Variants in PIK3C2G observed in about 807,000 individuals in gnomAD.
The protein encoded by PIK3C2G is phosphatidylinositol-4-phosphate 3-kinase catalytic subunit type 2 gamma.
A neutral mutation model predicts 181.1 loss-of-function variants in PIK3C2G; 168 were observed. The ratio of observed to expected loss-of-function variants is 0.93; its 90% CI spans 0.82 to 1.05. The LOEUF is 1.05. Ranked by LOEUF, PIK3C2G falls within the 50% of genes least tolerant of loss-of-function variation. The pLI is 0.00. For synonymous variants in PIK3C2G, 573 were observed against 592.2 expected, an observed-to-expected ratio of 0.97 and a Z score of 0.47; for missense variants, 1,869 against 1,732.8, an observed-to-expected ratio of 1.08 and a Z score of -1.40.
At chr12:18,627,530 A>T (rs1592749488) in intron 31 of PIK3C2G, among the ~76,000 whole-genome samples, 1 of 152,138 alleles carries the variant, frequency 6.6e-6, no homozygotes, top group Non-Finnish European at 1.5e-5. Flanking sequence ...TGACAGAGAT[A>T]GACCTGTGGA....
intron 18 of PIK3C2G, among the ~76,000 whole-genome samples, chr12:18,467,095 T>C (rs1868064): frequency 0.56 from 85,072 of 151,860 alleles, 24,408 homozygotes; most frequent in Middle Eastern, 0.73. Flanking sequence ...TTGTCATTCA[T>C]AGTGTATTAG....
intron 17 of PIK3C2G, among the ~76,000 whole-genome samples, chr12:18,422,070 T>C (rs1043115132): frequency 6.6e-6 from 1 of 152,102 alleles, no homozygotes; most frequent in African/African-American, 2.4e-5. Context: ...TTCAGGAGAA[T>C]ACGTTTTCAC....
chr12:18,705,738 T>C, the PIK3C2G span, among the ~76,000 whole-genome samples: 2 of 151,320 alleles, frequency 1.3e-5, no homozygotes, highest in Non-Finnish European at 2.9e-5. Flanking sequence ...TGGTAGTGTG[T>C]GCCTGTAATC....
At chr12:18,447,233 A>C (rs1947079063) in intron 18 of PIK3C2G, among the ~76,000 whole-genome samples, 1 of 152,176 alleles carries the variant, frequency 6.6e-6, no homozygotes, top group Non-Finnish European at 1.5e-5. Flanking sequence ...GCAGCAATTG[A>C]CAGTGGCCCT....
At chr12:18,341,910 G>T (rs1484803901) in intron 9 of PIK3C2G, among the ~76,000 whole-genome samples, 4 of 152,116 alleles carry the variant, frequency 2.6e-5, no homozygotes, top group Non-Finnish European at 5.9e-5. Context: ...TTTATTAAAT[G>T]TAAGTTTTGG....
At chr12:18,531,511 G>A (rs1414714641) in intron 24 of PIK3C2G, among the ~76,000 whole-genome samples, 1 of 152,030 alleles carries the variant, frequency 6.6e-6, no homozygotes, top group Admixed American at 6.6e-5. Flanking sequence ...CCCTTTTGTA[G>A]CCACATTCAC....
chr12:18,371,411 T>C, intron 13 of PIK3C2G, 100 bp downstream of exon 13: 1 of 978,322 alleles, frequency 1.0e-6, no homozygotes, highest in Non-Finnish European at 1.5e-6. Flanking sequence ...AATCAAGACA[T>C]TTTATTCTAA....
chr12:18,407,278 T>C (rs60664907), intron 16 of PIK3C2G, among the ~76,000 whole-genome samples: 16,813 of 152,046 alleles, frequency 0.11, 1,251 homozygotes, highest in Admixed American at 0.26. Context: ...ACACACTTGT[T>C]AAAACTTACA....
rs1049473207 is a variant in PIK3C2G at position 18,599,419 on chromosome 12, A to G, written c.4087+4850A>G. 1.3e-4 allele frequency among the ~76,000 whole-genome samples: 20 copies of G among 151,416 alleles called. 1 individual carries two copies. The highest frequency in any genetic ancestry group is 5.9e-5 in the Non-Finnish European group (4 of 67,908). ...AAGAGCAAAAAACCAAACACCGCAT[A>G]TTCTCACTCATAGGTGGGAATTGAA... On this transcript the variant is annotated intron_variant, in intron 30 of 32. Transcript: ENST00000538779.
At chr12:18,487,908 G>C (rs186356547) in intron 18 of PIK3C2G, among the ~76,000 whole-genome samples, 41 of 152,258 alleles carry the variant, frequency 2.7e-4, no homozygotes, top group East Asian at 2.5e-3. Context: ...TGGGATTTGA[G>C]TCCAGATATG....
At chr12:18,297,029 A>G (rs1949969218) in intron 5 of PIK3C2G, among the ~76,000 whole-genome samples, 1 of 152,066 alleles carries the variant, frequency 6.6e-6, no homozygotes, top group Non-Finnish European at 1.5e-5. Context: ...GCTCTTGTCC[A>G]ATAGCTTGAT....
At chr12:18,719,634 T>A in the PIK3C2G span, 1 of 1,570,500 alleles carries the variant, frequency 6.4e-7, no homozygotes, top group Non-Finnish European at 8.7e-7. Context: ...CTTTCCTAAC[T>A]AAAAAAATAA....
intron 2 of PIK3C2G, among the ~76,000 whole-genome samples, chr12:18,286,265 T>A (rs1949439925): frequency 6.6e-6 from 1 of 152,046 alleles, no homozygotes; most frequent in Admixed American, 6.6e-5. Context: ...TCCCAATAAA[T>A]GAAGCATGCA....
chr12:18,425,114 A>C, intron 18 of PIK3C2G: 1 of 197,464 alleles, frequency 5.1e-6, no homozygotes, highest in Non-Finnish European at 1.1e-5. Flanking sequence ...TGATGTTCCC[A>C]TTTGTAGATG....
chr12:18,624,839 T>C (rs1949023508), intron 31 of PIK3C2G, among the ~76,000 whole-genome samples: 1 of 151,712 alleles, frequency 6.6e-6, no homozygotes, highest in Admixed American at 6.6e-5. Context: ...CTCTCTGTAA[T>C]AGTCTCTTGT....
At chr12:18,644,516 G>A (rs1950013648) in intron 32 of PIK3C2G, among the ~76,000 whole-genome samples, 1 of 151,972 alleles carries the variant, frequency 6.6e-6, no homozygotes, top group Admixed American at 6.6e-5. Flanking sequence ...AACAGAACAG[G>A]AACGTTCTAT....
chr12:18,647,950 G>A lies in PIK3C2G; in HGVS notation c.4383G>A (p.Val1461=). The change falls in exon 33 of 33, where the codon GTG becomes GTA. Residue 1461 remains valine (V), a synonymous_variant. Transcript: ENST00000538779. ...TTGTGAAGAGTAAAACTGTATTTGT[G>A]GGAGCAATTAACATCCGACTCTGTA... ...MLIVKSKTVF[V]GAINIRLCSV... is the part of the protein sequence containing the mutation. 6.2e-7 allele frequency: 1 copy of A among 1,600,658 alleles called. No homozygotes were observed.
intron 24 of PIK3C2G, among the ~76,000 whole-genome samples, chr12:18,510,122 A>G (rs1271552898): frequency 1.3e-5 from 2 of 152,108 alleles, no homozygotes; most frequent in African/African-American, 4.8e-5. Flanking sequence ...GGCATGCACC[A>G]CCAAACCCAG....
At chr12:18,670,717 G>A in the PIK3C2G span, among the ~76,000 whole-genome samples, 4 of 152,182 alleles carry the variant, frequency 2.6e-5, no homozygotes, top group Admixed American at 2.0e-4. Flanking sequence ...GGCAGGCACA[G>A]CTCTTCAGTG....
Sources: allele counts gnomAD v4.1 joint callset (sites outside exome capture counted in the v4.1 genomes callset), GRCh38; gene constraint gnomAD v4.1.1; transcripts MANE v1.5; gene names NCBI Gene and HGNC (gene_info 2026-07-23, HGNC 2026-07-21).